GABRR2: variants seen among roughly 807,000 people sequenced by gnomAD.
The protein encoded by GABRR2 is gamma-aminobutyric acid type A receptor subunit rho2.
In GABRR2, 36 loss-of-function variants were observed where a neutral mutation model predicts 47.0. That is an observed-to-expected ratio of 0.77 (90% CI 0.59 to 1.01). The LOEUF (loss-of-function observed/expected upper bound fraction) is 1.01. Among genes scored for constraint, GABRR2 ranks in the 50% least tolerant of loss-of-function variants. The pLI is 0.00. For synonymous variants in GABRR2, 204 were observed against 227.5 expected, an observed-to-expected ratio of 0.90 and a Z score of 0.93; for missense variants, 587 against 594.6, an observed-to-expected ratio of 0.99 and a Z score of 0.13.
chr6:89,285,548 C>A (rs56800218), intron 2 of GABRR2, among the ~76,000 whole-genome samples: 8,438 of 152,038 alleles, frequency 0.055, 767 homozygotes, highest in African/African-American at 0.19. Context: ...CACCATCACC[C>A]GGGCACTTAG....
chr6:89,271,513 G>A, intron 3 of GABRR2, 142 bp downstream of exon 3: 1 of 655,220 alleles, frequency 1.5e-6, no homozygotes, highest in Non-Finnish European at 2.7e-6. Flanking sequence ...GCCCGCTTTA[G>A]ATTTTACTGC....
intron 2 of GABRR2, among the ~76,000 whole-genome samples, chr6:89,272,669 C>T (rs1274728898): frequency 6.6e-6 from 1 of 152,192 alleles, no homozygotes; most frequent in Admixed American, 6.5e-5. Flanking sequence ...CAGAGGCCAG[C>T]CTAGCTGCAC....
At chr6:89,302,508 G>A in intron 1 of GABRR2, 1 of 745,646 alleles carries the variant, frequency 1.3e-6, no homozygotes, top group Non-Finnish European at 2.2e-6. Flanking sequence ...TCCCGGGCCA[G>A]CTCAATGCGG....
intron 2 of GABRR2, among the ~76,000 whole-genome samples, chr6:89,296,702 G>A (rs9344921): frequency 0.7 from 107,236 of 152,160 alleles, 38,403 homozygotes; most frequent in East Asian, 0.97. Flanking sequence ...ACACCACAAG[G>A]AGTCCACTTT....
rs571226712 is a variant in GABRR2, at chr6:89,292,753, T to C, written c.220+7006A>G. 2.2e-4 allele frequency among the ~76,000 whole-genome samples: 18 copies of C among 81,278 alleles called. 2 individuals are homozygous for C. Among genetic ancestry groups the C allele is most frequent in the Non-Finnish European group, 4.2e-4 (18 of 42,694 alleles). The allele number at this position is 81,278 out of a possible 152,430, so 53.3% of individuals were successfully genotyped here. A position where few individuals can be genotyped will look rare whatever the true frequency, so the allele number is the denominator to read the frequency against. ...TATATATCATATATAATCGTATATA[T>C]CGTATATACGATATATCGTATATAT... On this transcript the variant is annotated intron_variant, in intron 2 of 8. Transcript: ENST00000402938.
At chr6:89,301,938 C>A in intron 1 of GABRR2, 1 of 984,098 alleles carries the variant, frequency 1.0e-6, no homozygotes, top group Non-Finnish European at 1.6e-6. Context: ...TCTACTACAA[C>A]GAGGCCTCTT....
chr6:89,309,079 C>A (rs1767630638), intron 1 of GABRR2, among the ~76,000 whole-genome samples: 1 of 151,974 alleles, frequency 6.6e-6, no homozygotes, highest in Non-Finnish European at 1.5e-5. Context: ...CATGAGAGGA[C>A]CTGAAGGAAG....
intron 2 of GABRR2, among the ~76,000 whole-genome samples, chr6:89,297,683 T>C (rs1050223917): frequency 6.6e-6 from 1 of 152,150 alleles, no homozygotes; most frequent in African/African-American, 2.4e-5. Context: ...GGTGAAACCC[T>C]GTCTCTACTA....
chr6:89,273,743 A>T (rs566745224), intron 2 of GABRR2, among the ~76,000 whole-genome samples: 21 of 152,290 alleles, frequency 1.4e-4, no homozygotes, highest in African/African-American at 5.1e-4. Context: ...GGCTCCCAAC[A>T]CCATTCATTC....
At chr6:89,287,896 C>T (rs1374553562) in intron 2 of GABRR2, among the ~76,000 whole-genome samples, 1 of 152,188 alleles carries the variant, frequency 6.6e-6, no homozygotes, top group Non-Finnish European at 1.5e-5. Flanking sequence ...TTAGAACTCC[C>T]CTCTGAACAG....
Position 89,257,956 on chromosome 6 carries a change from T to C in GABRR2, c.1112A>G (p.His371Arg), listed in dbSNP as rs141497162. ...EKFPCMCGML[H>R]SKTMMLDGSY... is the part of the protein sequence containing the mutation. ...TCCATCCAGCATCATGGTTTTTGAA[T>C]GAAGCATTCCACACATGCACGGGAA... Residue 371 changes from histidine (H) to arginine (R), a missense_variant, in exon 9 of 9, where the codon CAT becomes CGT. Physicochemically the swap from His to Arg is conservative, Grantham distance 29. Transcript: ENST00000402938. The C allele has an allele frequency of 5.2e-4, 845 of 1,613,804 alleles. 5 individuals carry two copies. The African/African-American group carries it at 9.4e-3, about 18-fold the overall frequency.
intron 3 of GABRR2, 132 bp from the exon 4 acceptor site, chr6:89,269,366 C>A: frequency 1.4e-6 from 1 of 713,338 alleles, no homozygotes; most frequent in South Asian, 1.7e-5. Context: ...GTTCTGCAGC[C>A]CTGTGGCAGG....
At chr6:89,273,176 G>A (rs1183355489) in intron 2 of GABRR2, among the ~76,000 whole-genome samples, 1 of 152,130 alleles carries the variant, frequency 6.6e-6, no homozygotes, top group East Asian at 1.9e-4. Context: ...ATTTTTCTGT[G>A]TTCCTCAGAT....
At chr6:89,271,627 C>T (rs758472754) in intron 3 of GABRR2, 28 bp downstream of exon 3, 61 of 1,595,726 alleles carry the variant, frequency 3.8e-5, no homozygotes, top group Middle Eastern at 1.7e-4. Context: ...CAGGCTCTCA[C>T]GCTGTGTCAC....
intron 2 of GABRR2, among the ~76,000 whole-genome samples, chr6:89,285,552 C>T (rs1194117521): frequency 6.6e-6 from 1 of 152,068 alleles, no homozygotes; most frequent in Non-Finnish European, 1.5e-5. Context: ...ATCACCCGGG[C>T]ACTTAGAGAT....
chr6:89,264,971 G>A (rs754057565), intron 7 of GABRR2, among the ~76,000 whole-genome samples: 4 of 152,106 alleles, frequency 2.6e-5, no homozygotes, highest in Non-Finnish European at 5.9e-5. Flanking sequence ...ATTCCTTGAA[G>A]TTTGAGAACG....
intron 2 of GABRR2, among the ~76,000 whole-genome samples, chr6:89,295,878 A>G (rs1774544118): frequency 6.6e-6 from 1 of 152,186 alleles, no homozygotes; most frequent in East Asian, 1.9e-4. Flanking sequence ...CATTTATTAA[A>G]TAGGGAATCG....
chr6:89,260,412 CCT>C (rs1773719703), intron 8 of GABRR2, among the ~76,000 whole-genome samples: 1 of 152,140 alleles, frequency 6.6e-6, no homozygotes, highest in Non-Finnish European at 1.5e-5. Flanking sequence ...GGATAAAACC[CCT>C]GTTTCCCAGA....
At chr6:89,282,809 TG>T (rs1378708838) in intron 2 of GABRR2, among the ~76,000 whole-genome samples, 1 of 152,258 alleles carries the variant, frequency 6.6e-6, no homozygotes, top group Admixed American at 6.5e-5. Flanking sequence ...GAGTGGCAGC[TG>T]TCTGCTCACC....
Sources: allele counts gnomAD v4.1 joint callset (sites outside exome capture counted in the v4.1 genomes callset), GRCh38; gene constraint gnomAD v4.1.1; transcripts MANE v1.5; gene names NCBI Gene and HGNC (gene_info 2026-07-23, HGNC 2026-07-21).